The following LDLRAD4 variants were observed in gnomAD, a reference collection of about 807,000 sequenced individuals.
The protein encoded by LDLRAD4 is low density lipoprotein receptor class A domain containing 4, also known as low-density lipoprotein receptor class A domain-containing protein 4.
LDLRAD4 carries 5 observed loss-of-function variants against 17.0 expected under a neutral mutation model. That is an observed-to-expected ratio of 0.29 (90% CI 0.15 to 0.62). The LOEUF (loss-of-function observed/expected upper bound fraction) is 0.62. Among genes scored for constraint, LDLRAD4 ranks in the 20% least tolerant of loss-of-function variants. The probability of loss-of-function intolerance (pLI) is 0.84; values close to 1 mark genes in which losing one functional copy is unlikely to be tolerated. For synonymous variants in LDLRAD4, 168 were observed against 171.8 expected, an observed-to-expected ratio of 0.98 and a Z score of 0.17; for missense variants, 340 against 424.7, an observed-to-expected ratio of 0.80 and a Z score of 1.75.
rs112657862 is a variant in LDLRAD4 at position 13,283,729 on chromosome 18, C to T, written c.-383+5541C>T. Among the ~76,000 whole-genome samples, 517 of 152,304 alleles carry T rather than the reference C, an allele frequency of 3.4e-3. 3 individuals are homozygous for T. Among genetic ancestry groups the T allele is most frequent in the African/African-American group, 0.012 (505 of 41,574 alleles). On this transcript the variant is annotated intron_variant, in intron 1 of 5. Coordinates refer to ENST00000359446, the Ensembl canonical transcript of LDLRAD4. ...AGTTCCAAAATCACTTTCACATTTT[C>T]GAGTATCTTTTCAGCAGTGCTCCAC...
chr18:13,619,515 C>CGGT (rs2040400840), intron 3 of LDLRAD4, among the ~76,000 whole-genome samples: 1 of 47,826 alleles, frequency 2.1e-5, no homozygotes, highest in African/African-American at 9.3e-5. Context: ...GGGGTGGGGC[C>CGGT]GGGGGGGGGC....
At chr18:13,601,668 A>G (rs549494337) in intron 3 of LDLRAD4, among the ~76,000 whole-genome samples, 6 of 137,912 alleles carry the variant, frequency 4.4e-5, no homozygotes, top group African/African-American at 1.5e-4. Context: ...AAAAAAAAAG[A>G]AAAAAAAAGG....
chr18:13,243,933 A>G (rs1346143885), intron 1 of LDLRAD4, among the ~76,000 whole-genome samples: 5 of 100,602 alleles, frequency 5.0e-5, no homozygotes, highest in Admixed American at 4.8e-4. Flanking sequence ...CCATTTCTCT[A>G]TCCATCCACC....
intron 1 of LDLRAD4, among the ~76,000 whole-genome samples, chr18:13,375,520 C>T (rs1029325046): frequency 6.6e-5 from 10 of 152,120 alleles, no homozygotes; most frequent in Non-Finnish European, 1.3e-4. Context: ...GAAATGAGGG[C>T]CTGCTGGGTC....
chr18:13,569,447 TCTTCA>T (rs2094654550), intron 3 of LDLRAD4, among the ~76,000 whole-genome samples: 1 of 152,272 alleles, frequency 6.6e-6, no homozygotes, highest in Non-Finnish European at 1.5e-5. Context: ...ATGTTGCTTA[TCTTCA>T]CTTTACTTTA....
At chr18:13,255,387 T>G (rs1385003509) in intron 1 of LDLRAD4, among the ~76,000 whole-genome samples, 3 of 151,930 alleles carry the variant, frequency 2.0e-5, no homozygotes, top group Non-Finnish European at 4.4e-5. Flanking sequence ...ACCATATGGG[T>G]ACTGGGGAAG....
At chr18:13,603,876 T>C (rs1488528536) in intron 3 of LDLRAD4, among the ~76,000 whole-genome samples, 1 of 152,236 alleles carries the variant, frequency 6.6e-6, no homozygotes. Context: ...TCTCCTGCAG[T>C]GCATCGTGGT....
chr18:13,423,204 G>A (rs1485822339), intron 2 of LDLRAD4, among the ~76,000 whole-genome samples: 1 of 152,168 alleles, frequency 6.6e-6, no homozygotes, highest in Admixed American at 6.5e-5. Context: ...GCCGGGCTTG[G>A]TGGCTTGGCA....
chr18:13,646,687 T>C (rs1234950503), exon 6 of LDLRAD4: 1 of 152,674 alleles, frequency 6.5e-6, no homozygotes, highest in African/African-American at 2.4e-5. Context: ...GCATGAAATA[T>C]ATTCAAATAC....
intron 3 of LDLRAD4, among the ~76,000 whole-genome samples, chr18:13,525,041 G>A (rs1396388622): frequency 6.6e-6 from 1 of 152,224 alleles, no homozygotes; most frequent in African/African-American, 2.4e-5. Flanking sequence ...GTGCGCCTTT[G>A]CATGGATGTG....
intron 2 of LDLRAD4, among the ~76,000 whole-genome samples, chr18:13,404,575 A>C (rs966030163): frequency 1.2e-4 from 18 of 152,154 alleles, no homozygotes; most frequent in African/African-American, 4.1e-4. Context: ...AGACGGGCGG[A>C]TCACGAGGTC....
intron 3 of LDLRAD4, among the ~76,000 whole-genome samples, chr18:13,446,784 G>A (rs1484186417): frequency 1.3e-5 from 2 of 152,236 alleles, no homozygotes; most frequent in Non-Finnish European, 2.9e-5. Flanking sequence ...CCAAGAGCCC[G>A]CCTCAGCCAC....
chr18:13,593,719 A>G (rs1285097897), intron 3 of LDLRAD4, among the ~76,000 whole-genome samples: 2 of 152,162 alleles, frequency 1.3e-5, no homozygotes, highest in African/African-American at 4.8e-5. Context: ...CCTCCTAAGT[A>G]GTTGGGACTA....
upstream of LDLRAD4, among the ~76,000 whole-genome samples, chr18:13,276,959 C>CCCCAGTTTTATTCCT (rs1212801884): frequency 3.3e-5 from 5 of 152,244 alleles, no homozygotes; most frequent in Non-Finnish European, 7.4e-5. Context: ...GTGAGAGCAG[C>CCCCAGTTTTATTCCT]CCCAGTGGAG....
chr18:13,344,949 T>C lies in LDLRAD4; in HGVS notation c.-382-42392T>C, dbSNP rs570188578. Among the ~76,000 whole-genome samples the C allele has an allele frequency of 9.8e-5, 15 of 152,370 alleles. No individual in the cohort carries two copies. The South Asian group carries it at 2.7e-3, about 27-fold the overall frequency. Reference sequence around the variant, plus strand: ...TTGATTTTGTATCCTGAGACTTTGCTGCAGTTGCTTATCAGCTTAAGGAGA... The same window carrying C: ...TTGATTTTGTATCCTGAGACTTTGCCGCAGTTGCTTATCAGCTTAAGGAGA... On this transcript the variant is annotated intron_variant, in intron 1 of 5. Coordinates refer to ENST00000359446, the Ensembl canonical transcript of LDLRAD4.
intron 3 of LDLRAD4, among the ~76,000 whole-genome samples, chr18:13,507,048 G>C (rs1314922306): frequency 3.3e-5 from 5 of 152,074 alleles, no homozygotes; most frequent in African/African-American, 1.2e-4. Context: ...CAGTAGCATG[G>C]GTGCATTTCA....
chr18:13,222,465 T>G (rs1419456380), intron 1 of LDLRAD4, among the ~76,000 whole-genome samples: 1 of 152,194 alleles, frequency 6.6e-6, no homozygotes, highest in African/African-American at 2.4e-5. Flanking sequence ...CAGTGCAAGT[T>G]GGTGCTTGCC....
At chr18:13,309,872 A>G (rs2047129648) in intron 1 of LDLRAD4, among the ~76,000 whole-genome samples, 1 of 152,318 alleles carries the variant, frequency 6.6e-6, no homozygotes, top group African/African-American at 2.4e-5. Flanking sequence ...TGTGGCCTTC[A>G]TCCCACAGGG....
At chr18:13,611,749 AG>A in intron 3 of LDLRAD4, 1 of 985,486 alleles carries the variant, frequency 1.0e-6, no homozygotes, top group Non-Finnish European at 1.2e-6. Context: ...TGTGAGGCAG[AG>A]GGAGAGGGAA....
Sources: allele counts gnomAD v4.1 joint callset (sites outside exome capture counted in the v4.1 genomes callset), GRCh38; gene constraint gnomAD v4.1.1; transcripts MANE v1.5; gene names NCBI Gene and HGNC (gene_info 2026-07-23, HGNC 2026-07-21).